KCNMA1: variants seen among roughly 807,000 people sequenced by gnomAD.
KCNMA1 encodes potassium calcium-activated channel subfamily M alpha 1, also known as Calcium-activated potassium channel subunit alpha-1.
In KCNMA1, 29 loss-of-function variants were observed where a neutral mutation model predicts 140.0. The observed-to-expected ratio is 0.21, with a 90% CI of 0.15 to 0.28. KCNMA1 has a LOEUF of 0.28. KCNMA1 is among the 10% of genes least tolerant of loss of function. The probability of loss-of-function intolerance (pLI) is 1.00; values close to 1 mark genes in which losing one functional copy is unlikely to be tolerated. For missense variants in KCNMA1, 880 were observed against 1,602.2 expected, an observed-to-expected ratio of 0.55 and a Z score of 7.70; for synonymous variants, 612 against 611.9, an observed-to-expected ratio of 1.00 and a Z score of 0.00.
intron 5 of KCNMA1, among the ~76,000 whole-genome samples, chr10:77,145,062 C>T (rs192886617): frequency 1.3e-5 from 2 of 152,298 alleles, no homozygotes; most frequent in African/African-American, 4.8e-5. Flanking sequence ...CCATCGAATG[C>T]CCCATCATCA....
At chr10:76,952,181 G>A (rs1257447349) in intron 21 of KCNMA1, 8 of 1,549,750 alleles carry the variant, frequency 5.2e-6, no homozygotes, top group Non-Finnish European at 7.0e-6. Context: ...GGTAACATCA[G>A]GCTAAATTTA....
At chr10:77,620,466 G>T (rs534754699) in intron 1 of KCNMA1, among the ~76,000 whole-genome samples, 16 of 152,336 alleles carry the variant, frequency 1.1e-4, no homozygotes, top group African/African-American at 3.8e-4. Flanking sequence ...GGTCCTATTA[G>T]TCCTTGTCCA....
At chr10:77,041,060 C>T (rs2094640721) in intron 14 of KCNMA1, among the ~76,000 whole-genome samples, 1 of 152,090 alleles carries the variant, frequency 6.6e-6, no homozygotes, top group Admixed American at 6.5e-5. Flanking sequence ...CAGCTCACTG[C>T]AATCTCTGCC....
At chr10:77,344,838 G>A (rs988327872) in intron 2 of KCNMA1, among the ~76,000 whole-genome samples, 5 of 151,866 alleles carry the variant, frequency 3.3e-5, no homozygotes, top group East Asian at 1.9e-4. Context: ...GGGTAAAGAC[G>A]GAGACCTTTC....
intron 5 of KCNMA1, among the ~76,000 whole-genome samples, chr10:77,132,634 T>C (rs1277166957): frequency 6.6e-6 from 1 of 151,920 alleles, no homozygotes; most frequent in Admixed American, 6.6e-5. Flanking sequence ...CAGATTACAT[T>C]TTCAAAGACC....
chr10:77,232,875 A>G (rs1341494019), intron 3 of KCNMA1, among the ~76,000 whole-genome samples: 1 of 138,578 alleles, frequency 7.2e-6, no homozygotes, highest in African/African-American at 2.7e-5. Context: ...CTATCTAGTT[A>G]TCCCAGCACC....
At chr10:76,896,339 G>A (rs566725470) in intron 25 of KCNMA1, among the ~76,000 whole-genome samples, 1 of 152,268 alleles carries the variant, frequency 6.6e-6, no homozygotes, top group Admixed American at 6.5e-5. Flanking sequence ...CAGCCCACAG[G>A]CAGCCAGACT....
chr10:77,113,187 A>T (rs1596237607), intron 6 of KCNMA1, among the ~76,000 whole-genome samples: 1 of 150,222 alleles, frequency 6.7e-6, no homozygotes, highest in Non-Finnish European at 1.5e-5. Context: ...TTTACAGGCC[A>T]TATAGACATT....
In KCNMA1 at chr10:77,393,589, A is replaced by G. The variant is rs117256827; in HGVS notation, c.540+10273T>C. Among the ~76,000 whole-genome samples the G allele has an allele frequency of 4.8e-3, 738 of 152,342 alleles. 21 individuals carry two copies. The East Asian group carries it at 0.075, about 16-fold the overall frequency. On this transcript the variant is annotated intron_variant, in intron 2 of 27. Coordinates refer to ENST00000286628, the MANE Select transcript of KCNMA1 (RefSeq NM_001161352.2). ...CCTGAGACAGATGGAGCTGGGAGTCAGGAGTCTGCAGAGGCTGGGCTTCCA... is the reference window on the plus strand; with the variant it reads ...CCTGAGACAGATGGAGCTGGGAGTCGGGAGTCTGCAGAGGCTGGGCTTCCA...
At chr10:76,914,807 GC>G in intron 24 of KCNMA1, 128 bp downstream of exon 24, 1 of 729,186 alleles carries the variant, frequency 1.4e-6, no homozygotes, top group South Asian at 1.5e-5. Flanking sequence ...CTTCCTCCCA[GC>G]CCCCTCAAAA....
In KCNMA1 at chr10:77,579,655, A is replaced by C. The variant is rs544472716; in HGVS notation, c.378+57610T>G. Among the ~76,000 whole-genome samples, 11 of 152,278 alleles carry C rather than the reference A, an allele frequency of 7.2e-5. No homozygotes were observed. In the South Asian group the frequency reaches 2.3e-3, roughly 32 times the overall value. ...CAATGGGGAAGTTTTGGGAGGTTTT[A>C]AGAAAAAGAAAGACAAGATCTGGGT... On this transcript the variant is annotated intron_variant, in intron 1 of 27. Coordinates refer to ENST00000286628, the MANE Select transcript of KCNMA1 (RefSeq NM_001161352.2).
At chr10:77,517,759 G>A (rs1174972848) in intron 1 of KCNMA1, among the ~76,000 whole-genome samples, 1 of 152,148 alleles carries the variant, frequency 6.6e-6, no homozygotes, top group Non-Finnish European at 1.5e-5. Context: ...CAACAAGGAG[G>A]TATCAAGCAC....
At chr10:77,433,094 C>G (rs1236536539) in intron 1 of KCNMA1, among the ~76,000 whole-genome samples, 1 of 152,154 alleles carries the variant, frequency 6.6e-6, no homozygotes, top group African/African-American at 2.4e-5. Flanking sequence ...TTCAATTTTT[C>G]AAAACAAAGG....
chr10:77,059,730 A>G (rs890924550), intron 14 of KCNMA1, among the ~76,000 whole-genome samples: 2 of 152,178 alleles, frequency 1.3e-5, no homozygotes, highest in Non-Finnish European at 2.9e-5. Context: ...AAAGGTATCT[A>G]CAAAACATCT....
At chr10:77,245,174 T>G (rs1003846934) in intron 3 of KCNMA1, among the ~76,000 whole-genome samples, 1 of 152,106 alleles carries the variant, frequency 6.6e-6, no homozygotes, top group African/African-American at 2.4e-5. Context: ...AAAAAGGGCA[T>G]GAAGGCAGAC....
chr10:77,078,267 G>A (rs868243920), intron 13 of KCNMA1, among the ~76,000 whole-genome samples: 5 of 152,150 alleles, frequency 3.3e-5, no homozygotes, highest in South Asian at 2.1e-4. Flanking sequence ...GGCAGCCTCC[G>A]GTTTCTAGGT....
At chr10:76,954,337 C>T (rs893949994) in intron 20 of KCNMA1, among the ~76,000 whole-genome samples, 2 of 151,992 alleles carry the variant, frequency 1.3e-5, no homozygotes, top group African/African-American at 2.4e-5. Context: ...CTATGAGCCT[C>T]GGCAATGAAG....
chr10:77,383,527 C>T (rs776377887), intron 2 of KCNMA1, among the ~76,000 whole-genome samples: 4 of 151,172 alleles, frequency 2.6e-5, no homozygotes, highest in East Asian at 3.9e-4. Flanking sequence ...TTCACATGGT[C>T]GCTCAGCCAT....
chr10:77,109,538 T>G (rs2097270432), intron 8 of KCNMA1, among the ~76,000 whole-genome samples: 1 of 152,154 alleles, frequency 6.6e-6, no homozygotes, highest in Admixed American at 6.5e-5. Flanking sequence ...GCGTAGACTT[T>G]TAAAAAGCAA....
Sources: gnomAD v4.1 joint callset for allele counts (sites outside exome capture counted in the v4.1 genomes callset) on GRCh38, gnomAD v4.1.1 for gene constraint, MANE v1.5 for transcripts, NCBI Gene and HGNC (gene_info 2026-07-23, HGNC 2026-07-21) for gene names.